KCNN3: variants seen among roughly 807,000 people sequenced by gnomAD.
KCNN3 encodes the protein potassium calcium-activated channel subfamily N member 3.
Under a neutral mutation model 62.9 loss-of-function variants are expected in KCNN3, and 16 were observed. That is an observed-to-expected ratio of 0.25 (90% CI 0.17 to 0.39). The LOEUF is 0.39. KCNN3 is among the 10% of genes least tolerant of loss of function. The pLI, the probability that KCNN3 is intolerant of heterozygous loss-of-function variation, is 1.00. For synonymous variants in KCNN3, 370 were observed against 389.2 expected, an observed-to-expected ratio of 0.95 and a Z score of 0.58; for missense variants, 599 against 949.4, an observed-to-expected ratio of 0.63 and a Z score of 4.85.
rs1699846022 is a variant in KCNN3, at chr1:154,701,244, C to T, written c.*6732G>A. ...CCAGGAGAAAACTTGTTGTTTTGCACTATCTGTAAATCTATGTGAATTTTC... is the reference window on the plus strand; with the variant it reads ...CCAGGAGAAAACTTGTTGTTTTGCATTATCTGTAAATCTATGTGAATTTTC... On this transcript the variant is annotated 3_prime_UTR_variant, in exon 8 of 8. Transcript: ENST00000271915. 1 of 152,138 alleles carries T rather than the reference C, an allele frequency of 6.6e-6. No individual in the cohort carries two copies. The allele number at this position is 152,138 out of a possible 1,614,324, so 9.4% of individuals were successfully genotyped here.
rs571325361 is a variant in KCNN3, at chr1:154,869,327, G to A, written c.638C>T (p.Pro213Leu). The A allele has an allele frequency of 6.2e-7, 1 of 1,613,768 alleles. No individual in the cohort carries two copies. The highest frequency in any genetic ancestry group is 1.3e-5 in the African/African-American group (1 of 75,018). ...TEGQPLQLFS[P>L]SNPPEIVISS... ...GATGACGATCTCCGGGGGGTTGCTA[G>A]GGCTGAAAAGCTGGAGGGGTTGGCC... The change falls in exon 1 of 8, where the codon CCT becomes CTT. Residue 213 changes from proline (P) to leucine (L), a missense_variant. Around this residue, in one of 7 missense-constraint regions of KCNN3, gnomAD observed 80 missense variants for 85.4 expected, o/e 0.94. Transcript: ENST00000271915. This position sits in a 1 kb window ranked among gnomAD's most constrained non-coding sequence, Gnocchi z 6.1.
chr1:154,760,744 T>C (rs1347738730), intron 3 of KCNN3, among the ~76,000 whole-genome samples: 1 of 152,160 alleles, frequency 6.6e-6, no homozygotes, highest in Non-Finnish European at 1.5e-5. Context: ...GAAGAGCCAG[T>C]GGCGCCTGCC....
intron 2 of KCNN3, among the ~76,000 whole-genome samples, chr1:154,778,570 CAAG>C (rs1648885155): frequency 6.7e-6 from 1 of 148,266 alleles, no homozygotes; most frequent in African/African-American, 2.5e-5. Context: ...CTCTTCCAAT[CAAG>C]AAGTACAGCC....
At chr1:154,748,791 T>A (rs1313166606) in intron 3 of KCNN3, among the ~76,000 whole-genome samples, 1 of 152,188 alleles carries the variant, frequency 6.6e-6, no homozygotes, top group Non-Finnish European at 1.5e-5. Context: ...TGAGATGCTG[T>A]CTCTACAAAA....
chr1:154,787,815 A>G (rs1200941344), intron 2 of KCNN3, among the ~76,000 whole-genome samples: 1 of 152,060 alleles, frequency 6.6e-6, no homozygotes, highest in East Asian at 1.9e-4. Context: ...CCCCTGTCCA[A>G]AAAGGCCCCA....
At chr1:154,854,252 T>TAAA (rs903261139) in intron 1 of KCNN3, among the ~76,000 whole-genome samples, 5 of 152,068 alleles carry the variant, frequency 3.3e-5, no homozygotes, top group Admixed American at 3.3e-4. Context: ...ATAATAATAA[T>TAAA]AAATTAATTT....
intron 1 of KCNN3, among the ~76,000 whole-genome samples, chr1:154,853,156 T>G (rs1652373070): frequency 6.6e-6 from 1 of 151,778 alleles, no homozygotes; most frequent in Non-Finnish European, 1.5e-5. Context: ...TACTCAGCTT[T>G]TTTTTTTTTT....
intron 5 of KCNN3, among the ~76,000 whole-genome samples, chr1:154,723,491 GATTAAA>G (rs1700400707): frequency 6.6e-6 from 1 of 152,200 alleles, no homozygotes; most frequent in East Asian, 1.9e-4. Context: ...ATTTTTGAAA[GATTAAA>G]ATTAGCAACC....
intron 2 of KCNN3, among the ~76,000 whole-genome samples, chr1:154,813,474 C>T (rs967638564): frequency 1.3e-5 from 2 of 151,924 alleles, no homozygotes; most frequent in Non-Finnish European, 2.9e-5. Flanking sequence ...GGCCAGGCGA[C>T]GCACCGCCTT....
chr1:154,721,515 A>G (rs1332344387), intron 5 of KCNN3, among the ~76,000 whole-genome samples: 19 of 151,898 alleles, frequency 1.3e-4, no homozygotes, highest in African/African-American at 3.6e-4. Context: ...TCGCCAGGCT[A>G]GTCTTGAACT....
At chr1:154,731,110 C>A (rs543794121) in intron 4 of KCNN3, among the ~76,000 whole-genome samples, 74 of 152,340 alleles carry the variant, frequency 4.9e-4, no homozygotes, top group Non-Finnish European at 9.0e-4. Context: ...CACCTACTGG[C>A]AACCCTGCTC....
chr1:154,725,290 CA>C (rs1016771125), intron 5 of KCNN3, among the ~76,000 whole-genome samples: 1 of 151,996 alleles, frequency 6.6e-6, no homozygotes, highest in Non-Finnish European at 1.5e-5. Flanking sequence ...TGAGCATAAA[CA>C]AAAAACATTG....
intron 5 of KCNN3, among the ~76,000 whole-genome samples, chr1:154,723,993 A>T (rs942113279): frequency 6.6e-6 from 1 of 152,196 alleles, no homozygotes; most frequent in Non-Finnish European, 1.5e-5. Context: ...TGCCATCGTG[A>T]TGTGACAAAT....
chr1:154,714,051 G>GGTGT (rs780964707), intron 6 of KCNN3, among the ~76,000 whole-genome samples: 1,241 of 73,894 alleles, frequency 0.017, 37 homozygotes, highest in African/African-American at 0.028. Flanking sequence ...GTGTGTGCGG[G>GGTGT]GTGTGTGTGT....
chr1:154,794,329 G>T (rs928170369), intron 2 of KCNN3, among the ~76,000 whole-genome samples: 2 of 152,144 alleles, frequency 1.3e-5, no homozygotes, highest in African/African-American at 4.8e-5. Flanking sequence ...CCCAGAGCTT[G>T]CCCTTAAACA....
At position 154,870,213 on chromosome 1, in the gene KCNN3, A is replaced by G; in HGVS notation, c.-249T>C. 1.5e-6 allele frequency: 1 copy of G among 673,828 alleles called. No homozygotes were observed. Among genetic ancestry groups the G allele is most frequent in the Non-Finnish European group, 2.7e-6 (1 of 367,182 alleles). The allele number at this position is 673,828 out of a possible 1,614,324, so 41.7% of individuals were successfully genotyped here. On this transcript the variant is annotated 5_prime_UTR_variant, in exon 1 of 8. Coordinates refer to ENST00000271915, the MANE Select transcript of KCNN3 (RefSeq NM_002249.6). Reference sequence around the variant, plus strand: ...TGGAGAAAGAAGAGGGGGTGAAAGAACTCTCTCAGGAGGTGGTCCTCTAGG... The same window carrying G: ...TGGAGAAAGAAGAGGGGGTGAAAGAGCTCTCTCAGGAGGTGGTCCTCTAGG...
At chr1:154,776,493 C>T (rs948341004) in intron 2 of KCNN3, among the ~76,000 whole-genome samples, 9 of 152,232 alleles carry the variant, frequency 5.9e-5, no homozygotes, top group East Asian at 5.8e-4. Flanking sequence ...GACAGGGCTC[C>T]GCTGCAAGGT....
intron 2 of KCNN3, among the ~76,000 whole-genome samples, chr1:154,793,877 T>C (rs1256969978): frequency 6.6e-6 from 1 of 152,190 alleles, no homozygotes; most frequent in Non-Finnish European, 1.5e-5. Context: ...GGTTTGCACA[T>C]AATCTGGGTG....
chr1:154,802,509 A>C (rs967539868), intron 2 of KCNN3, among the ~76,000 whole-genome samples: 2 of 152,216 alleles, frequency 1.3e-5, no homozygotes, highest in African/African-American at 2.4e-5. Flanking sequence ...GCCCTGCTGT[A>C]GAGCCTGATG....
Sources: allele counts gnomAD v4.1 joint callset (sites outside exome capture counted in the v4.1 genomes callset), GRCh38; gene constraint gnomAD v4.1.1; regional missense constraint gnomAD v4.1.1; non-coding constraint Gnocchi (gnomAD v3.1); transcripts MANE v1.5; gene names NCBI Gene and HGNC (gene_info 2026-07-23, HGNC 2026-07-21).